The following GNB4 variants were observed in gnomAD, a reference collection of about 807,000 sequenced individuals.
The protein encoded by GNB4 is guanine nucleotide-binding protein subunit beta-4.
Under a neutral mutation model 45.2 loss-of-function variants are expected in GNB4, and 28 were observed. That is an observed-to-expected ratio of 0.62 (90% confidence interval 0.46 to 0.85). GNB4 has a LOEUF of 0.85. Ranked by LOEUF, GNB4 falls within the 40% of genes least tolerant of loss-of-function variation. GNB4 has a pLI of 0.00. For missense variants in GNB4, 321 were observed against 425.4 expected (o/e 0.75, Z 2.16); for synonymous variants, 132 against 143.7 (o/e 0.92, Z 0.58).
At chr3:179,515,059 C>T in the GNB4 span, among the ~76,000 whole-genome samples, 2 of 152,250 alleles carry the variant, frequency 1.3e-5, no homozygotes, top group East Asian at 1.9e-4. Context: ...ATATTGAAAA[C>T]CCATTAATAT....
At chr3:179,434,906 CCT>C (rs1197129728) in intron 1 of GNB4, among the ~76,000 whole-genome samples, 1 of 151,816 alleles carries the variant, frequency 6.6e-6, no homozygotes, top group African/African-American at 2.4e-5. Context: ...AGAATGACAC[CCT>C]GTCTCTTAAA....
At position 179,400,649 on chromosome 3, in the gene GNB4, A is replaced by G. The variant is rs936817535; in HGVS notation, c.*564T>C. 1 of 152,228 alleles carries G rather than the reference A, an allele frequency of 6.6e-6. No individual in the cohort carries two copies. The highest frequency in any genetic ancestry group is 1.5e-5 in the Non-Finnish European group (1 of 68,044). The allele number at this position is 152,228 out of a possible 1,614,324, so 9.4% of individuals were successfully genotyped here. On this transcript the variant is annotated 3_prime_UTR_variant, in exon 10 of 10. Transcript: ENST00000232564. ...ATTAATAGTATATGGCAAATGATGC[A>G]TGAGAAACAATGAACTCCCCTCAGA...
At chr3:179,441,746 C>A in intron 1 of GNB4, among the ~76,000 whole-genome samples, 1 of 117,006 alleles carries the variant, frequency 8.5e-6, no homozygotes, top group Admixed American at 9.0e-5. Context: ...AGTGAGACTC[C>A]ATCTCAAAAA....
intron 1 of GNB4, among the ~76,000 whole-genome samples, chr3:179,437,092 A>G (rs1457081397): frequency 2.0e-5 from 3 of 152,146 alleles, no homozygotes; most frequent in African/African-American, 7.2e-5. Flanking sequence ...ATAAAAATAC[A>G]CACACACAGG....
chr3:179,518,511 C>T, the GNB4 span, among the ~76,000 whole-genome samples: 1 of 152,090 alleles, frequency 6.6e-6, no homozygotes, highest in African/African-American at 2.4e-5. Flanking sequence ...CCCCTCCTCC[C>T]CAGGCTGCTC....
chr3:179,481,097 C>T, the GNB4 span, among the ~76,000 whole-genome samples: 3 of 151,870 alleles, frequency 2.0e-5, no homozygotes, highest in Non-Finnish European at 2.9e-5. Context: ...GTGATCCGCC[C>T]GCCTCGGCCT....
Position 179,413,570 on chromosome 3 carries a change from T to A in GNB4, c.541A>T (p.Thr181Ser). The part of the protein sequence containing the change: ...IETAQQTTTF[T>S]GHSGDVMSLS... ...CTCATCACATCTCCAGAATGCCCAG[T>A]GAATGTGGTGGTCTGCTGGGCAGTT... is the stretch of plus-strand genomic sequence containing the variant. Residue 181 changes from threonine to serine, a missense_variant, in exon 8 of 10, where the codon ACT becomes TCT. Coordinates refer to ENST00000232564, the MANE Select transcript of GNB4 (RefSeq NM_021629.4). The A allele has an allele frequency of 6.2e-7, 1 of 1,614,122 alleles. No homozygotes were observed. The highest frequency in any genetic ancestry group is 8.5e-7 in the Non-Finnish European group (1 of 1,180,016).
rs71628078 is a variant in GNB4 at position 179,442,795 on chromosome 3, T to TA, written c.-43+8550dup. 1.3e-3 allele frequency among the ~76,000 whole-genome samples: 192 copies of TA among 147,458 alleles called. 2 individuals are homozygous for TA. The highest frequency in any genetic ancestry group is 3.6e-3 in the African/African-American group (145 of 40,384). On this transcript the variant is annotated intron_variant, in intron 1 of 9. Coordinates refer to ENST00000232564, the MANE Select transcript of GNB4 (RefSeq NM_021629.4). ...GTATGCACCACCATGCCAAGCTAAT[T>TA]AAAAAAAAAAAATTTTAGAGGTGGG...
At chr3:179,520,687 A>G in the GNB4 span, among the ~76,000 whole-genome samples, 9 of 152,020 alleles carry the variant, frequency 5.9e-5, no homozygotes, top group Admixed American at 2.0e-4. Flanking sequence ...CACAGTTACC[A>G]TTGTTCCTGG....
At chr3:179,418,175 A>G (rs1050468733) in intron 4 of GNB4, among the ~76,000 whole-genome samples, 1 of 152,170 alleles carries the variant, frequency 6.6e-6, no homozygotes, top group Non-Finnish European at 1.5e-5. Context: ...AAGAAAAAGA[A>G]TAAGACATTC....
Position 179,397,297 on chromosome 3 carries a change from T to G in GNB4, c.*3916A>C, listed in dbSNP as rs1470939378. ...TTTAAAATGCTTAAGGTCTTATTATTAAATCCAAAATACCAAAAGTATTAG... is the reference window on the plus strand; with the variant it reads ...TTTAAAATGCTTAAGGTCTTATTATGAAATCCAAAATACCAAAAGTATTAG... On this transcript the variant is annotated 3_prime_UTR_variant, in exon 10 of 10. Transcript: ENST00000232564. 1.3e-5 allele frequency: 2 copies of G among 152,242 alleles called. No homozygotes were observed. The highest frequency in any genetic ancestry group is 2.9e-5 in the Non-Finnish European group (2 of 68,040). The allele number at this position is 152,242 out of a possible 1,614,324, so 9.4% of individuals were successfully genotyped here. A position where few individuals can be genotyped will look rare whatever the true frequency, so the allele number is the denominator to read the frequency against.
chr3:179,470,543 A>T, the GNB4 span, among the ~76,000 whole-genome samples: 12 of 150,064 alleles, frequency 8.0e-5, no homozygotes, highest in South Asian at 2.1e-4. Context: ...TAAAGAAAAA[A>T]ATATATATAT....
At chr3:179,458,324 GA>G in the GNB4 span, among the ~76,000 whole-genome samples, 1 of 152,186 alleles carries the variant, frequency 6.6e-6, no homozygotes, top group African/African-American at 2.4e-5. Context: ...GACCAGGAGT[GA>G]GAGAAACCAG....
the GNB4 span, chr3:179,465,180 T>C: frequency 7.7e-7 from 1 of 1,292,274 alleles, no homozygotes. Context: ...ATAAATAGAG[T>C]TCATGATCCT....
chr3:179,525,855 G>A, the GNB4 span, among the ~76,000 whole-genome samples: 177 of 152,346 alleles, frequency 1.2e-3, no homozygotes, highest in African/African-American at 4.1e-3. Context: ...GGGTTGTTTG[G>A]TCTGACGACC....
the GNB4 span, among the ~76,000 whole-genome samples, chr3:179,472,989 C>A: frequency 6.6e-6 from 1 of 152,136 alleles, no homozygotes; most frequent in Non-Finnish European, 1.5e-5. Context: ...CAGTGAAACC[C>A]CTTCTCTACT....
upstream of GNB4, among the ~76,000 whole-genome samples, chr3:179,455,321 C>A (rs1024825863): frequency 5.3e-5 from 8 of 152,058 alleles, no homozygotes; most frequent in Non-Finnish European, 1.0e-4. Flanking sequence ...TTCAGGTCCC[C>A]GGAAAGGGAC....
the GNB4 span, among the ~76,000 whole-genome samples, chr3:179,474,067 G>A: frequency 6.6e-6 from 1 of 152,150 alleles, no homozygotes. Flanking sequence ...GCTCATGCCT[G>A]TAATCCCAAC....
the GNB4 span, among the ~76,000 whole-genome samples, chr3:179,517,853 G>A: frequency 6.6e-6 from 1 of 152,118 alleles, no homozygotes; most frequent in East Asian, 1.9e-4. Flanking sequence ...AATCACGCAG[G>A]GACGCCTGCC....
Sources: allele counts gnomAD v4.1 joint callset (sites outside exome capture counted in the v4.1 genomes callset), GRCh38; gene constraint gnomAD v4.1.1; transcripts MANE v1.5; gene names NCBI Gene and HGNC (gene_info 2026-07-23, HGNC 2026-07-21).